Variants in TENM4 observed in about 807,000 individuals in gnomAD.
TENM4 encodes the protein teneurin-4.
Under a neutral mutation model 243.3 loss-of-function variants are expected in TENM4, and 82 were observed. That is an observed-to-expected ratio of 0.34 (90% CI 0.28 to 0.40). TENM4 has a LOEUF of 0.40. Ranked by LOEUF, TENM4 falls within the 10% of genes least tolerant of loss-of-function variation. The pLI is 1.00. For synonymous variants in TENM4, 1,412 were observed against 1,456.3 expected, an observed-to-expected ratio of 0.97 and a Z score of 0.69; for missense variants, 3,138 against 3,673.3, an observed-to-expected ratio of 0.85 and a Z score of 3.77.
intron 6 of TENM4, among the ~76,000 whole-genome samples, chr11:78,994,817 A>G (rs1858131466): frequency 6.6e-6 from 1 of 152,196 alleles, no homozygotes; most frequent in Non-Finnish European, 1.5e-5. Context: ...AATAAGACAA[A>G]CAGAGACTTG....
intron 2 of TENM4, among the ~76,000 whole-genome samples, chr11:79,241,134 T>TC (rs1278361906): frequency 6.6e-6 from 1 of 150,984 alleles, no homozygotes; most frequent in East Asian, 2.0e-4. Flanking sequence ...CTTTTTTTTT[T>TC]CAAGGAAAAA....
At chr11:79,273,375 GAACTC>G (rs1198513325) in intron 2 of TENM4, among the ~76,000 whole-genome samples, 1 of 152,210 alleles carries the variant, frequency 6.6e-6, no homozygotes, top group Non-Finnish European at 1.5e-5. Context: ...TTACTGGACA[GAACTC>G]TTAGGTAGAG....
At chr11:79,328,494 C>A (rs1364729827) in intron 1 of TENM4, among the ~76,000 whole-genome samples, 1 of 152,146 alleles carries the variant, frequency 6.6e-6, no homozygotes, top group Non-Finnish European at 1.5e-5. Context: ...TATCCTCATG[C>A]TAAGTGGCTT....
At chr11:79,241,384 G>T (rs1864586179) in intron 2 of TENM4, among the ~76,000 whole-genome samples, 1 of 152,054 alleles carries the variant, frequency 6.6e-6, no homozygotes, top group African/African-American at 2.4e-5. Context: ...GAGGGCCTCA[G>T]CATCCTGTAG....
intron 1 of TENM4, among the ~76,000 whole-genome samples, chr11:79,370,057 T>A (rs1041895623): frequency 9.2e-5 from 14 of 152,142 alleles, no homozygotes; most frequent in African/African-American, 3.4e-4. Context: ...AAGGGTGACA[T>A]TCAAACTCCC....
rs1024390110 is a variant in TENM4 at position 79,138,875 on chromosome 11, A to C, written c.-66+9835T>G. 8.7e-3 allele frequency among the ~76,000 whole-genome samples: 1,001 copies of C among 114,716 alleles called. 57 individuals are homozygous for C. The highest frequency in any genetic ancestry group is 0.059 in the East Asian group (244 of 4,156). 75.3% of individuals were successfully genotyped at this position (114,716 alleles called of 152,430 possible). A position where few individuals can be genotyped will look rare whatever the true frequency, so the allele number is the denominator to read the frequency against. On this transcript the variant is annotated intron_variant, in intron 4 of 33. Coordinates refer to ENST00000278550, the MANE Select transcript of TENM4 (RefSeq NM_001098816.3). ...AATATACAAAATATACCTTATATTT[A>C]TATAAATATATAAAATATATATTAT...
chr11:79,139,698 A>ATTT (rs1565220630), intron 4 of TENM4, among the ~76,000 whole-genome samples: 3 of 101,710 alleles, frequency 2.9e-5, no homozygotes, highest in African/African-American at 1.3e-4. Flanking sequence ...TAAAATATAT[A>ATTT]TAATATTTAT....
At chr11:79,378,839 C>T (rs1857942977) in intron 1 of TENM4, among the ~76,000 whole-genome samples, 2 of 147,558 alleles carry the variant, frequency 1.4e-5, no homozygotes, top group South Asian at 4.3e-4. Context: ...GCTATGATTG[C>T]ACCAATGCAC....
intron 2 of TENM4, among the ~76,000 whole-genome samples, chr11:79,279,574 T>C (rs1300620679): frequency 1.3e-5 from 2 of 152,272 alleles, no homozygotes; most frequent in Admixed American, 1.3e-4. Flanking sequence ...ACACTCCTTA[T>C]AGCCTGCCTT....
At chr11:79,253,573 C>T (rs1412712279) in intron 2 of TENM4, among the ~76,000 whole-genome samples, 2 of 152,162 alleles carry the variant, frequency 1.3e-5, no homozygotes, top group Admixed American at 6.5e-5. Flanking sequence ...CGTCTTAGTG[C>T]CTGGTACTTT....
At chr11:78,917,838 T>C (rs1469095286) in intron 6 of TENM4, among the ~76,000 whole-genome samples, 1 of 152,208 alleles carries the variant, frequency 6.6e-6, no homozygotes, top group Non-Finnish European at 1.5e-5. Flanking sequence ...TACTATTTCC[T>C]AGCTGTGGCC....
At chr11:78,899,862 T>C (rs1855889624) in intron 7 of TENM4, among the ~76,000 whole-genome samples, 2 of 152,232 alleles carry the variant, frequency 1.3e-5, no homozygotes, top group Non-Finnish European at 2.9e-5. Flanking sequence ...GCTTGTGTCA[T>C]ATTTCTTGTA....
At chr11:78,936,007 T>G (rs1856774927) in intron 6 of TENM4, among the ~76,000 whole-genome samples, 1 of 152,178 alleles carries the variant, frequency 6.6e-6, no homozygotes, top group African/African-American at 2.4e-5. Flanking sequence ...TCTGTAAAAT[T>G]CACTTAATGT....
intron 4 of TENM4, among the ~76,000 whole-genome samples, chr11:79,079,568 G>A (rs1219059543): frequency 6.6e-6 from 1 of 152,160 alleles, no homozygotes; most frequent in Non-Finnish European, 1.5e-5. Context: ...GGTGGCTCAC[G>A]CCTGTAATCC....
intron 4 of TENM4, among the ~76,000 whole-genome samples, chr11:79,147,421 T>C (rs530189697): frequency 1.3e-5 from 2 of 152,178 alleles, no homozygotes; most frequent in South Asian, 4.1e-4. Flanking sequence ...ATTTCCCTTT[T>C]AACTGTATAT....
chr11:79,200,432 G>T (rs1426609572), intron 3 of TENM4, among the ~76,000 whole-genome samples: 2 of 152,288 alleles, frequency 1.3e-5, no homozygotes, highest in South Asian at 4.1e-4. Flanking sequence ...ACATGCCATA[G>T]GTTCCTTCAT....
At chr11:79,201,481 G>A (rs1266719869) in intron 3 of TENM4, among the ~76,000 whole-genome samples, 1 of 135,800 alleles carries the variant, frequency 7.4e-6, no homozygotes, top group Non-Finnish European at 1.5e-5. Flanking sequence ...AGTGGCGAAG[G>A]TCAAAAGAGA....
chr11:79,163,863 T>C (rs1862819802), intron 3 of TENM4, among the ~76,000 whole-genome samples: 3 of 145,090 alleles, frequency 2.1e-5, no homozygotes, highest in Non-Finnish European at 4.5e-5. Context: ...TATACACACA[T>C]ATATACACAT....
intron 16 of TENM4, among the ~76,000 whole-genome samples, chr11:78,781,918 C>T (rs913267803): frequency 6.6e-6 from 1 of 152,208 alleles, no homozygotes; most frequent in African/African-American, 2.4e-5. Flanking sequence ...CACGTGTGGG[C>T]TGAAGTCTCC....
Sources: gnomAD v4.1 joint callset for allele counts (sites outside exome capture counted in the v4.1 genomes callset) on GRCh38, gnomAD v4.1.1 for gene constraint, MANE v1.5 for transcripts, NCBI Gene and HGNC (gene_info 2026-07-23, HGNC 2026-07-21) for gene names.